Variants in NRXN1 observed in about 807,000 individuals in gnomAD.
NRXN1 encodes neurexin-1.
A neutral mutation model predicts 150.9 loss-of-function variants in NRXN1; 39 were observed. The observed-to-expected ratio is 0.26, with a 90% CI of 0.20 to 0.34. NRXN1 has a LOEUF of 0.34. NRXN1 is among the 10% of genes least tolerant of loss of function. NRXN1 has a pLI of 1.00. For synonymous variants in NRXN1, 924 were observed against 757.0 expected, an observed-to-expected ratio of 1.22 and a Z score of -3.62; for missense variants, 1,815 against 1,949.9, an observed-to-expected ratio of 0.93 and a Z score of 1.30.
chr2:51,018,461 A>G (rs1299474693), intron 2 of NRXN1, among the ~76,000 whole-genome samples: 1 of 152,050 alleles, frequency 6.6e-6, no homozygotes, highest in Non-Finnish European at 1.5e-5. Context: ...TTCCAATAAT[A>G]GTTTCTCATA....
rs552231598 is a variant in NRXN1, at chr2:50,646,708, C to CTTT, written c.833-23096_833-23094dup. ...TCCTGCCTCTGTACTTTCATGTTGT[C>CTTT]TTTTTTTTTTTTTTTTTTTTTCTCT... On this transcript the variant is annotated intron_variant, in intron 5 of 22. Transcript: ENST00000401669. Among the ~76,000 whole-genome samples the CTTT allele has an allele frequency of 8.5e-3, 915 of 107,200 alleles. 2 individuals are homozygous for CTTT. The highest frequency in any genetic ancestry group is 0.011 in the East Asian group (38 of 3,414). The allele number at this position is 107,200 out of a possible 152,430, so 70.3% of individuals were successfully genotyped here. A position where few individuals can be genotyped will look rare whatever the true frequency, so the allele number is the denominator to read the frequency against.
chr2:50,525,557 T>A (rs532848963), intron 12 of NRXN1, among the ~76,000 whole-genome samples: 1 of 152,132 alleles, frequency 6.6e-6, no homozygotes, highest in Non-Finnish European at 1.5e-5. Flanking sequence ...TAATCCCAAA[T>A]TGTAGATAAA....
rs2682000 is a variant in NRXN1, at chr2:50,329,677, T to A, written c.3365-92707A>T. Among the ~76,000 whole-genome samples the A allele has an allele frequency of 7.5e-3, 254 of 33,892 alleles. 10 individuals carry two copies. The highest frequency in any genetic ancestry group is 0.011 in the Middle Eastern group (1 of 92). The allele number at this position is 33,892 out of a possible 152,430, so 22.2% of individuals were successfully genotyped here. A position where few individuals can be genotyped will look rare whatever the true frequency, so the allele number is the denominator to read the frequency against. On this transcript the variant is annotated intron_variant, in intron 17 of 22. Coordinates refer to ENST00000401669, the MANE Select transcript of NRXN1 (RefSeq NM_001330078.2). ...TATATATATATATATATATATATTTTTTTTTTTCCCCCCCGAGACGGAGTC... is the reference window on the plus strand; with the variant it reads ...TATATATATATATATATATATATTTATTTTTTTCCCCCCCGAGACGGAGTC...
At chr2:50,025,962 A>G (rs1159604711) in intron 21 of NRXN1, among the ~76,000 whole-genome samples, 1 of 152,218 alleles carries the variant, frequency 6.6e-6, no homozygotes, top group Non-Finnish European at 1.5e-5. Context: ...GGAAGATTTT[A>G]TAATAACTTC....
At chr2:50,711,074 T>C (rs991825220) in intron 5 of NRXN1, among the ~76,000 whole-genome samples, 1 of 152,154 alleles carries the variant, frequency 6.6e-6, no homozygotes, top group African/African-American at 2.4e-5. Context: ...TACTTACTGG[T>C]CAAGTCAGCT....
intron 5 of NRXN1, among the ~76,000 whole-genome samples, chr2:50,711,696 T>C (rs758875642): frequency 7.2e-5 from 11 of 152,082 alleles, no homozygotes; most frequent in Non-Finnish European, 1.2e-4. Context: ...CCAAAACTCA[T>C]GCATTAGAAA....
rs1381296413 is a variant in NRXN1 at position 50,695,270 on chromosome 2, G to A, written c.833-71655C>T. On this transcript the variant is annotated intron_variant, in intron 5 of 22. Transcript: ENST00000401669. ...GAATATTTTAATTGTATTATTTACC[G>A]ACAAATGTGAGGATTAGATTGTCAA... Among the ~76,000 whole-genome samples the A allele has an allele frequency of 5.3e-5, 8 of 152,164 alleles. No individual in the cohort carries two copies. The East Asian group carries it at 5.8e-4, about 11-fold the overall frequency.
intron 5 of NRXN1, among the ~76,000 whole-genome samples, chr2:50,637,336 T>G (rs1483070204): frequency 6.6e-6 from 1 of 152,268 alleles, no homozygotes. Flanking sequence ...CCCTATCTGG[T>G]TTGAGTACTG....
chr2:50,954,512 C>T (rs766999004), intron 2 of NRXN1, among the ~76,000 whole-genome samples: 5 of 152,154 alleles, frequency 3.3e-5, no homozygotes, highest in Non-Finnish European at 7.3e-5. Flanking sequence ...AGGGCATAGA[C>T]AGACTCACTT....
intron 5 of NRXN1, among the ~76,000 whole-genome samples, chr2:50,720,432 C>G (rs1419566074): frequency 6.6e-6 from 1 of 152,134 alleles, no homozygotes; most frequent in South Asian, 2.1e-4. Context: ...TGTGAGCAAA[C>G]AAAACATCTC....
At chr2:50,201,374 T>C (rs2062151184) in intron 18 of NRXN1, among the ~76,000 whole-genome samples, 1 of 152,260 alleles carries the variant, frequency 6.6e-6, no homozygotes, top group East Asian at 1.9e-4. Flanking sequence ...AACTGAATGA[T>C]AGGGACAATA....
chr2:50,091,590 G>T, intron 18 of NRXN1, 96 bp from the exon 19 acceptor site: 2 of 1,269,800 alleles, frequency 1.6e-6, no homozygotes, highest in Non-Finnish European at 2.3e-6. Context: ...ATGTGCTTTG[G>T]ACAACAGCTG....
intron 19 of NRXN1, among the ~76,000 whole-genome samples, chr2:50,073,309 C>T (rs960927722): frequency 6.6e-6 from 1 of 152,188 alleles, no homozygotes; most frequent in Non-Finnish European, 1.5e-5. Context: ...TTCCTGCACT[C>T]CATGCTGTAT....
chr2:50,394,677 G>A (rs1269768680), intron 17 of NRXN1, among the ~76,000 whole-genome samples: 1 of 151,868 alleles, frequency 6.6e-6, no homozygotes, highest in African/African-American at 2.4e-5. Flanking sequence ...TGTCCACACT[G>A]CAGCCAGAGT....
At chr2:50,378,996 T>A (rs772479247) in intron 17 of NRXN1, among the ~76,000 whole-genome samples, 1 of 152,146 alleles carries the variant, frequency 6.6e-6, no homozygotes, top group Non-Finnish European at 1.5e-5. Flanking sequence ...CTTGCCTTGG[T>A]CATGGGTGTA....
At chr2:50,220,085 C>T (rs1257291491) in intron 18 of NRXN1, among the ~76,000 whole-genome samples, 1 of 142,018 alleles carries the variant, frequency 7.0e-6, no homozygotes, top group Non-Finnish European at 1.5e-5. Flanking sequence ...GGAATATTTT[C>T]TTAAAGGCAG....
At chr2:50,523,473 C>T (rs1292373485) in intron 12 of NRXN1, among the ~76,000 whole-genome samples, 2 of 152,174 alleles carry the variant, frequency 1.3e-5, no homozygotes, top group Non-Finnish European at 2.9e-5. Flanking sequence ...TGTTAACAAG[C>T]TCCAGCCCCT....
chr2:50,624,421 T>C (rs1680619588), intron 5 of NRXN1, among the ~76,000 whole-genome samples: 1 of 152,128 alleles, frequency 6.6e-6, no homozygotes, highest in Non-Finnish European at 1.5e-5. Flanking sequence ...CAAGATGTTT[T>C]CAACATTCTC....
intron 18 of NRXN1, among the ~76,000 whole-genome samples, chr2:50,201,228 A>G (rs979325762): frequency 1.3e-5 from 2 of 152,188 alleles, no homozygotes; most frequent in Non-Finnish European, 2.9e-5. Context: ...AAAAAACACA[A>G]TAATAATAAA....
Sources: gnomAD v4.1 joint callset for allele counts (sites outside exome capture counted in the v4.1 genomes callset) on GRCh38, gnomAD v4.1.1 for gene constraint, MANE v1.5 for transcripts, NCBI Gene and HGNC (gene_info 2026-07-23, HGNC 2026-07-21) for gene names.